Variants in AGMO observed in about 807,000 individuals in gnomAD.
The protein encoded by AGMO is glyceryl-ether monooxygenase.
AGMO carries 75 observed loss-of-function variants against 60.2 expected under a neutral mutation model. That is an observed-to-expected ratio of 1.25 (90% CI 1.03 to 1.51). The LOEUF (loss-of-function observed/expected upper bound fraction) is 1.51. Ranked by LOEUF, AGMO falls within the 40% of genes most tolerant of loss-of-function variation. The pLI is 0.00. For synonymous variants in AGMO, 261 were observed against 177.1 expected (o/e 1.47, Z -3.76); for missense variants, 763 against 525.5 (o/e 1.45, Z -4.42).
At chr7:15,406,526 G>C (rs1784698091) in intron 5 of AGMO, among the ~76,000 whole-genome samples, 2 of 117,298 alleles carry the variant, frequency 1.7e-5, no homozygotes, top group South Asian at 5.6e-4. Context: ...GCCAGTTCAG[G>C]TCAGAAGACT....
At chr7:15,199,061 C>T (rs1301990233), downstream of AGMO, among the ~76,000 whole-genome samples, 1 of 152,142 alleles carries the variant, frequency 6.6e-6, no homozygotes, top group Admixed American at 6.5e-5. Flanking sequence ...AACTAAGTTC[C>T]TACCAAAGTT....
At chr7:15,292,526 T>C (rs192431138) in intron 12 of AGMO, among the ~76,000 whole-genome samples, 2 of 152,130 alleles carry the variant, frequency 1.3e-5, no homozygotes, top group Admixed American at 6.6e-5. Flanking sequence ...GTGAACATGA[T>C]AGTGAGTTCA....
chr7:15,256,426 T>C (rs1783099768), intron 12 of AGMO, among the ~76,000 whole-genome samples: 1 of 152,222 alleles, frequency 6.6e-6, no homozygotes, highest in Non-Finnish European at 1.5e-5. Context: ...CACTGCAAGC[T>C]CCGCCTCCCA....
intron 3 of AGMO, among the ~76,000 whole-genome samples, chr7:15,432,651 T>G (rs772407830): frequency 6.6e-6 from 1 of 151,838 alleles, no homozygotes; most frequent in Non-Finnish European, 1.5e-5. Flanking sequence ...ACAGCAGATA[T>G]GTAACTTAGA....
intron 12 of AGMO, among the ~76,000 whole-genome samples, chr7:15,281,696 G>A (rs1318827949): frequency 6.6e-6 from 1 of 152,112 alleles, no homozygotes; most frequent in Non-Finnish European, 1.5e-5. Context: ...CCCATTGATG[G>A]ACACCTGCTT....
At chr7:15,361,192 T>A (rs1414507140) in intron 12 of AGMO, among the ~76,000 whole-genome samples, 1 of 151,716 alleles carries the variant, frequency 6.6e-6, no homozygotes, top group Non-Finnish European at 1.5e-5. Flanking sequence ...ACTGAAACTG[T>A]GACAACTCTA....
At chr7:15,234,258 AG>A (rs1302651660) in intron 12 of AGMO, among the ~76,000 whole-genome samples, 1 of 152,160 alleles carries the variant, frequency 6.6e-6, no homozygotes, top group African/African-American at 2.4e-5. Flanking sequence ...CCTTTCTCAA[AG>A]GGGACTTAGC....
Position 15,327,036 on chromosome 7 carries a change from A to G in AGMO, c.1263+38478T>C, listed in dbSNP as rs575655467. Among the ~76,000 whole-genome samples, 33 of 152,254 alleles carry G rather than the reference A, an allele frequency of 2.2e-4. No individual in the cohort carries two copies. The South Asian group carries it at 5.8e-3, about 27-fold the overall frequency. Reference sequence around the variant, plus strand: ...GATCAATGCTGAAAGTTCATAACATATAATATTTGTAATTTTGTGAAGGCA... The same window carrying G: ...GATCAATGCTGAAAGTTCATAACATGTAATATTTGTAATTTTGTGAAGGCA... On this transcript the variant is annotated intron_variant, in intron 12 of 12. Coordinates refer to ENST00000342526, the MANE Select transcript of AGMO (RefSeq NM_001004320.2).
rs115967701 is a variant in AGMO, at chr7:15,445,806, C to G, written c.410-14698G>C. Among the ~76,000 whole-genome samples, 967 of 152,186 alleles carry G rather than the reference C, an allele frequency of 6.4e-3. 13 individuals are homozygous for G. The highest frequency in any genetic ancestry group is 0.022 in the African/African-American group (915 of 41,508). ...TGGTTCTGTTGCTGTGTAATCCTCA[C>G]CTGTTCTTAAAATCTAAAGGAAGTC... On this transcript the variant is annotated intron_variant, in intron 3 of 12. Transcript: ENST00000342526.
intron 3 of AGMO, among the ~76,000 whole-genome samples, chr7:15,461,514 G>C (rs983050552): frequency 3.3e-5 from 5 of 152,042 alleles, no homozygotes; most frequent in African/African-American, 1.2e-4. Flanking sequence ...TCAAAAATTA[G>C]GATGGTCATG....
chr7:15,439,585 T>C (rs12699716), intron 3 of AGMO, among the ~76,000 whole-genome samples: 54,196 of 151,984 alleles, frequency 0.36, 11,185 homozygotes, highest in Non-Finnish European at 0.48. Flanking sequence ...CAAGTCCCAT[T>C]TCCATTGTCC....
intron 12 of AGMO, among the ~76,000 whole-genome samples, chr7:15,343,915 C>A (rs1005569229): frequency 6.6e-6 from 1 of 152,132 alleles, no homozygotes; most frequent in African/African-American, 2.4e-5. Context: ...CTCATTCTCT[C>A]ATGTACACAA....
the AGMO span, among the ~76,000 whole-genome samples, chr7:15,159,714 T>A: frequency 6.6e-6 from 1 of 152,176 alleles, no homozygotes; most frequent in African/African-American, 2.4e-5. Flanking sequence ...CTTTCAAAGA[T>A]ATTCCAGTTG....
At chr7:15,221,234 G>A (rs968573881) in intron 12 of AGMO, among the ~76,000 whole-genome samples, 1 of 152,114 alleles carries the variant, frequency 6.6e-6, no homozygotes, top group Non-Finnish European at 1.5e-5. Flanking sequence ...TGACTTCCAT[G>A]AATCTATTCC....
At chr7:15,239,878 T>C (rs540052473) in intron 12 of AGMO, among the ~76,000 whole-genome samples, 3 of 152,288 alleles carry the variant, frequency 2.0e-5, no homozygotes, top group East Asian at 3.9e-4. Flanking sequence ...GCAGACCTTA[T>C]GATTTTGTCT....
At chr7:15,176,277 TG>T in the AGMO span, among the ~76,000 whole-genome samples, 1 of 151,938 alleles carries the variant, frequency 6.6e-6, no homozygotes, top group East Asian at 1.9e-4. Flanking sequence ...CTCCTCTGCA[TG>T]ATGAAGACTG....
At chr7:15,390,807 T>C in intron 7 of AGMO, 33 bp downstream of exon 7, 1 of 1,586,088 alleles carries the variant, frequency 6.3e-7, no homozygotes, top group Non-Finnish European at 8.6e-7. Flanking sequence ...AAGGAGCTGA[T>C]TTAATTTTTT....
intron 12 of AGMO, among the ~76,000 whole-genome samples, chr7:15,254,313 C>T (rs960813888): frequency 1.3e-5 from 2 of 152,126 alleles, no homozygotes; most frequent in Non-Finnish European, 2.9e-5. Context: ...AACTTCTATA[C>T]ATTTTTTCAT....
intron 10 of AGMO, among the ~76,000 whole-genome samples, chr7:15,380,754 G>C (rs1343614435): frequency 6.6e-6 from 1 of 151,942 alleles, no homozygotes. Context: ...ACAAAGCTGG[G>C]GACATAACAT....
Sources: allele counts gnomAD v4.1 joint callset (sites outside exome capture counted in the v4.1 genomes callset), GRCh38; gene constraint gnomAD v4.1.1; transcripts MANE v1.5; gene names NCBI Gene and HGNC (gene_info 2026-07-23, HGNC 2026-07-21).